Variants in ZNF407 observed in about 807,000 individuals in gnomAD.
The protein encoded by ZNF407 is zinc finger protein 407.
Under a neutral mutation model 131.2 loss-of-function variants are expected in ZNF407, and 17 were observed. The ratio of observed to expected loss-of-function variants is 0.13; its 90% CI spans 0.09 to 0.19. The LOEUF is 0.19. ZNF407 is among the 10% of genes least tolerant of loss of function. The pLI is 1.00. For missense variants in ZNF407, 2,681 were observed against 2,830.6 expected, an observed-to-expected ratio of 0.95 and a Z score of 1.20; for synonymous variants, 1,156 against 1,062.0, an observed-to-expected ratio of 1.09 and a Z score of -1.72.
intron 3 of ZNF407, among the ~76,000 whole-genome samples, chr18:74,717,494 T>C (rs1268153578): frequency 1.3e-5 from 2 of 152,234 alleles, no homozygotes; most frequent in Non-Finnish European, 2.9e-5. Flanking sequence ...AACTGAATTA[T>C]GTATACAGAT....
At chr18:74,676,916 GAGGCTGACTGAGCA>G (rs1359967858) in intron 3 of ZNF407, among the ~76,000 whole-genome samples, 1 of 152,164 alleles carries the variant, frequency 6.6e-6, no homozygotes, top group African/African-American at 2.4e-5. Flanking sequence ...CTCGGGAGCA[GAGGCTGACTGAGCA>G]AGGCAACAAG....
chr18:74,972,184 C>A (rs1012361432), intron 8 of ZNF407, among the ~76,000 whole-genome samples: 17 of 152,188 alleles, frequency 1.1e-4, no homozygotes, highest in African/African-American at 3.4e-4. Context: ...ATATCACCTC[C>A]CTTTTCACTG....
chr18:74,892,985 G>C (rs1422168618), intron 7 of ZNF407, among the ~76,000 whole-genome samples: 1 of 152,080 alleles, frequency 6.6e-6, no homozygotes, highest in Non-Finnish European at 1.5e-5. Flanking sequence ...CTGTGCTTTG[G>C]TAGATTCATT....
intron 1 of ZNF407, among the ~76,000 whole-genome samples, chr18:74,608,355 C>CTTTT (rs375136326): frequency 4.1e-5 from 6 of 146,498 alleles, no homozygotes; most frequent in African/African-American, 1.5e-4. Flanking sequence ...TTTTAGATTT[C>CTTTT]TTTTTTTTTT....
At chr18:74,884,002 G>T (rs145908777) in intron 6 of ZNF407, among the ~76,000 whole-genome samples, 1 of 152,178 alleles carries the variant, frequency 6.6e-6, no homozygotes, top group Non-Finnish European at 1.5e-5. Flanking sequence ...TTTGAGAGTA[G>T]CCAATATCTT....
chr18:74,735,690 A>T (rs1968396099), intron 3 of ZNF407, among the ~76,000 whole-genome samples: 1 of 152,206 alleles, frequency 6.6e-6, no homozygotes, highest in African/African-American at 2.4e-5. Context: ...CATTTTAAGG[A>T]TATGCAACTT....
chr18:75,063,834 C>G lies in ZNF407; in HGVS notation c.6113C>G (p.Pro2038Arg), dbSNP rs751048422. Residue 2038 changes from proline to arginine, a missense_variant, in exon 9 of 9, where the codon CCC becomes CGC. Physicochemically the swap from Pro to Arg is moderately radical, Grantham distance 103 (BLOSUM62 -2). Coordinates refer to ENST00000299687, the MANE Select transcript of ZNF407 (RefSeq NM_017757.3). This position sits in a 1 kb window ranked among gnomAD's most constrained non-coding sequence, Gnocchi z 6.6. ...VSHVAADPEA[P>R]EIQMFPQAQE... ...CATGTGGCTGCCGACCCCGAGGCCC[C>G]CGAGATCCAGATGTTCCCACAGGCC... The G allele has an allele frequency of 2.0e-5, 32 of 1,607,986 alleles. No homozygotes were observed. Among genetic ancestry groups the G allele is most frequent in the Non-Finnish European group, 2.0e-5 (23 of 1,179,032 alleles).
chr18:75,012,477 T>TA (rs1385261731), intron 8 of ZNF407, among the ~76,000 whole-genome samples: 1 of 152,150 alleles, frequency 6.6e-6, no homozygotes, highest in Non-Finnish European at 1.5e-5. Flanking sequence ...GTAATCATTT[T>TA]AACCCCAAAT....
chr18:74,972,135 C>G (rs1451879672), intron 8 of ZNF407, among the ~76,000 whole-genome samples: 1 of 152,200 alleles, frequency 6.6e-6, no homozygotes, highest in South Asian at 2.1e-4. Context: ...CTGGGAGATA[C>G]AATTCAAGTT....
chr18:74,935,630 G>A (rs546423203), intron 8 of ZNF407, among the ~76,000 whole-genome samples: 14 of 152,248 alleles, frequency 9.2e-5, no homozygotes, highest in Middle Eastern at 3.4e-3. Flanking sequence ...TTGTAAACAC[G>A]GATGATTAAT....
At chr18:74,869,411 G>A (rs535158210) in intron 4 of ZNF407, among the ~76,000 whole-genome samples, 7 of 152,184 alleles carry the variant, frequency 4.6e-5, no homozygotes, top group Non-Finnish European at 1.0e-4. Flanking sequence ...CAGTTGAAAG[G>A]GGGTAGTTTT....
At chr18:74,701,181 T>A (rs1000196631) in intron 3 of ZNF407, among the ~76,000 whole-genome samples, 1 of 152,130 alleles carries the variant, frequency 6.6e-6, no homozygotes, top group Non-Finnish European at 1.5e-5. Flanking sequence ...TCCAGAGCTG[T>A]GAGAGTGTTA....
At chr18:74,889,771 C>A in intron 6 of ZNF407, 147 bp from the exon 7 acceptor site, 1 of 670,528 alleles carries the variant, frequency 1.5e-6, no homozygotes. Flanking sequence ...AATAAATATT[C>A]AAATGTCCTA....
intron 7 of ZNF407, among the ~76,000 whole-genome samples, chr18:74,912,666 A>T (rs1284152044): frequency 6.6e-6 from 1 of 152,204 alleles, no homozygotes; most frequent in Non-Finnish European, 1.5e-5. Flanking sequence ...CTCTACAGGT[A>T]CTAGAACCAA....
chr18:74,904,300 C>T (rs1004047666), intron 7 of ZNF407, among the ~76,000 whole-genome samples: 8 of 152,200 alleles, frequency 5.3e-5, no homozygotes, highest in African/African-American at 1.4e-4. Flanking sequence ...GTGTTTCTCA[C>T]GCACTTTCTC....
intron 3 of ZNF407, among the ~76,000 whole-genome samples, chr18:74,730,951 C>T (rs1968280926): frequency 6.6e-6 from 1 of 152,142 alleles, no homozygotes; most frequent in Non-Finnish European, 1.5e-5. Flanking sequence ...TTCTGAATAA[C>T]TTGTACATTA....
intron 1 of ZNF407, among the ~76,000 whole-genome samples, chr18:74,601,683 CT>C (rs1982592098): frequency 6.6e-6 from 1 of 151,974 alleles, no homozygotes; most frequent in African/African-American, 2.4e-5. Context: ...GTGCTATGCA[CT>C]TTTAAATAGC....
chr18:75,045,487 T>A (rs1973424787), intron 8 of ZNF407, among the ~76,000 whole-genome samples: 1 of 152,202 alleles, frequency 6.6e-6, no homozygotes, highest in Non-Finnish European at 1.5e-5. Flanking sequence ...CCTGGAAATG[T>A]GGCTAAAGTT....
intron 8 of ZNF407, among the ~76,000 whole-genome samples, chr18:75,054,470 T>G (rs1396654200): frequency 6.6e-6 from 1 of 152,214 alleles, no homozygotes; most frequent in Non-Finnish European, 1.5e-5. Flanking sequence ...GTGGGTTTTT[T>G]TATAGGGTTT....
Sources: gnomAD v4.1 joint callset for allele counts (sites outside exome capture counted in the v4.1 genomes callset) on GRCh38, gnomAD v4.1.1 for gene constraint, Gnocchi (gnomAD v3.1) non-coding constraint, MANE v1.5 for transcripts, NCBI Gene and HGNC (gene_info 2026-07-23, HGNC 2026-07-21) for gene names.